STK3: variants seen among roughly 807,000 people sequenced by gnomAD.
The protein encoded by STK3 is serine/threonine kinase 3, also known as serine/threonine-protein kinase 3.
Under a neutral mutation model 58.0 loss-of-function variants are expected in STK3, and 41 were observed. The ratio of observed to expected loss-of-function variants is 0.71; its 90% CI spans 0.55 to 0.92. The LOEUF (loss-of-function observed/expected upper bound fraction) is 0.92, where lower values mean the gene tolerates loss of function less well. Ranked by LOEUF, STK3 falls within the 40% of genes least tolerant of loss-of-function variation. The pLI, the probability that STK3 is intolerant of heterozygous loss-of-function variation, is 0.00. For synonymous variants in STK3, 170 were observed against 191.0 expected (o/e 0.89, Z 0.91); for missense variants, 479 against 602.7 (o/e 0.79, Z 2.15).
intron 10 of STK3, among the ~76,000 whole-genome samples, chr8:98,503,962 G>GT (rs1485381439): frequency 6.7e-6 from 1 of 149,472 alleles, no homozygotes; most frequent in Non-Finnish European, 1.5e-5. Flanking sequence ...ATCCTGTCTT[G>GT]TTGATCTAAT....
intron 3 of STK3, among the ~76,000 whole-genome samples, chr8:98,407,869 A>T (rs1259273431): frequency 1.3e-5 from 2 of 152,172 alleles, no homozygotes; most frequent in African/African-American, 4.8e-5. Flanking sequence ...AGAATCTCTA[A>T]ATGGAACCTG....
At chr8:98,345,886 T>C in the STK3 span, among the ~76,000 whole-genome samples, 1 of 152,122 alleles carries the variant, frequency 6.6e-6, no homozygotes, top group Non-Finnish European at 1.5e-5. Context: ...ATGGAACTGA[T>C]GGCAGACTAG....
intron 6 of STK3, among the ~76,000 whole-genome samples, chr8:98,636,760 T>G (rs900967905): frequency 6.6e-6 from 1 of 152,168 alleles, no homozygotes; most frequent in Non-Finnish European, 1.5e-5. Flanking sequence ...CAAAGTCATA[T>G]AGTTAAAATT....
chr8:98,417,129 T>C (rs1293723216), intron 3 of STK3, among the ~76,000 whole-genome samples: 1 of 152,138 alleles, frequency 6.6e-6, no homozygotes, highest in Non-Finnish European at 1.5e-5. Flanking sequence ...TTCAGGAACC[T>C]CTTGTCTTGA....
chr8:98,385,498 A>T (rs1488412086), intron 1 of STK3, among the ~76,000 whole-genome samples: 1 of 152,186 alleles, frequency 6.6e-6, no homozygotes, highest in Non-Finnish European at 1.5e-5. Context: ...AAGACCCCGG[A>T]TGAAAGTGGA....
chr8:98,781,804 A>G (rs1364561150), intron 1 of STK3, among the ~76,000 whole-genome samples: 1 of 152,124 alleles, frequency 6.6e-6, no homozygotes, highest in African/African-American at 2.4e-5. Context: ...AATAAAAAAA[A>G]AAATTATTAA....
chr8:98,655,155 G>T (rs1443659837), intron 6 of STK3, among the ~76,000 whole-genome samples: 1 of 151,936 alleles, frequency 6.6e-6, no homozygotes, highest in East Asian at 1.9e-4. Flanking sequence ...CAATGGAACA[G>T]AACAGAGCCC....
chr8:98,491,162 CGAGAGAGAGAGAGAGA>C (rs61704241), intron 10 of STK3, among the ~76,000 whole-genome samples: 25 of 142,940 alleles, frequency 1.7e-4, no homozygotes, highest in African/African-American at 4.4e-4. Flanking sequence ...AAAATAAACA[CGAGAGAGAGAGAGAGA>C]GAGAGAGAGA....
chr8:98,583,517 G>A (rs1451160456), intron 7 of STK3, among the ~76,000 whole-genome samples: 2 of 152,126 alleles, frequency 1.3e-5, no homozygotes, highest in Non-Finnish European at 2.9e-5. Flanking sequence ...GTGGGACAAG[G>A]TCATGGGAAA....
chr8:98,434,104 C>G (rs2131079766), intron 3 of STK3: 1 of 152,374 alleles, frequency 6.6e-6, no homozygotes, highest in South Asian at 2.1e-4. Flanking sequence ...GCAGATGGCT[C>G]TCCCATCCAA....
intron 3 of STK3, among the ~76,000 whole-genome samples, chr8:98,417,193 G>C (rs1818124751): frequency 6.6e-6 from 1 of 152,332 alleles, no homozygotes; most frequent in African/African-American, 2.4e-5. Flanking sequence ...GTGGAAGGCT[G>C]TAGAGAAGCA....
the STK3 span, among the ~76,000 whole-genome samples, chr8:98,354,902 C>T: frequency 1.3e-5 from 2 of 152,120 alleles, no homozygotes; most frequent in African/African-American, 4.8e-5. Flanking sequence ...CTCAGCCTCC[C>T]GAGTAGCTGG....
At chr8:98,849,940 T>C (rs1456692624) in intron 3 of STK3, among the ~76,000 whole-genome samples, 1 of 152,136 alleles carries the variant, frequency 6.6e-6, no homozygotes, top group Non-Finnish European at 1.5e-5. Flanking sequence ...AAAATATGCC[T>C]GCAAAACAGA....
chr8:98,867,610 A>G (rs1366597227), intron 3 of STK3, among the ~76,000 whole-genome samples: 7 of 151,958 alleles, frequency 4.6e-5, no homozygotes. Flanking sequence ...CCACTGCACA[A>G]TTTTGTCAGA....
intron 6 of STK3, among the ~76,000 whole-genome samples, chr8:98,661,575 AG>A (rs1351764698): frequency 1.3e-5 from 2 of 152,098 alleles, no homozygotes; most frequent in African/African-American, 4.8e-5. Context: ...AACAAAAATC[AG>A]ATCCCACCAT....
intron 4 of STK3, among the ~76,000 whole-genome samples, chr8:98,736,895 A>G (rs532371859): frequency 1.2e-3 from 179 of 152,294 alleles, no homozygotes; most frequent in Non-Finnish European, 2.2e-3. Flanking sequence ...GTTTCTAATA[A>G]TGTAATCTAA....
intron 1 of STK3, among the ~76,000 whole-genome samples, chr8:98,890,997 C>G (rs570202189): frequency 2.6e-5 from 4 of 152,192 alleles, no homozygotes; most frequent in Non-Finnish European, 5.9e-5. Context: ...TCATGATGTC[C>G]GACTTACAAA....
chr8:98,613,486 TAGAA>T (rs1295937911), intron 6 of STK3, among the ~76,000 whole-genome samples: 1 of 151,856 alleles, frequency 6.6e-6, no homozygotes, highest in African/African-American at 2.4e-5. Flanking sequence ...AATGTAAAAA[TAGAA>T]AGCCTCAGCT....
At chr8:98,914,269 T>C (rs1386600636) in intron 1 of STK3, among the ~76,000 whole-genome samples, 1 of 152,006 alleles carries the variant, frequency 6.6e-6, no homozygotes, top group Non-Finnish European at 1.5e-5. Flanking sequence ...AACATGGCAA[T>C]ACCTCATCTC....
Sources: allele counts gnomAD v4.1 joint callset (sites outside exome capture counted in the v4.1 genomes callset), GRCh38; gene constraint gnomAD v4.1.1; transcripts MANE v1.5; gene names NCBI Gene and HGNC (gene_info 2026-07-23, HGNC 2026-07-21).